UBR3: variants seen among roughly 807,000 people sequenced by gnomAD.
UBR3 encodes ubiquitin protein ligase E3 component n-recognin 3, also known as E3 ubiquitin-protein ligase UBR3.
A neutral mutation model predicts 243.2 loss-of-function variants in UBR3; 85 were observed. The ratio of observed to expected loss-of-function variants is 0.35; its 90% CI spans 0.29 to 0.42. The LOEUF (loss-of-function observed/expected upper bound fraction) is 0.42. Ranked by LOEUF, UBR3 falls within the 10% of genes least tolerant of loss-of-function variation. The pLI is 1.00. For synonymous variants in UBR3, 748 were observed against 799.8 expected (o/e 0.94, Z 1.09); for missense variants, 1,686 against 2,300.8 (o/e 0.73, Z 5.47).
chr2:169,831,306 A>ATTTT (rs917331065), intron 1 of UBR3, among the ~76,000 whole-genome samples: 3 of 139,448 alleles, frequency 2.2e-5, no homozygotes, highest in Non-Finnish European at 4.7e-5. Flanking sequence ...CACCCGGCTA[A>ATTTT]TTTTTTTTTT....
rs143991378 is a variant in UBR3, at chr2:169,913,478, T to A, written c.1780-582T>A. On this transcript the variant is annotated intron_variant, in intron 10 of 38. Coordinates refer to ENST00000272793, the MANE Select transcript of UBR3 (RefSeq NM_172070.4). ...AAAACATTGTAGTTGTCTTTTACAG[T>A]ACTTTTATTTCAAGTGGTACACACA... Among the ~76,000 whole-genome samples, 11 of 152,268 alleles carry A rather than the reference T, an allele frequency of 7.2e-5. No homozygotes were observed. In the East Asian group the frequency reaches 2.1e-3, roughly 29 times the overall value.
intron 35 of UBR3, among the ~76,000 whole-genome samples, chr2:170,069,484 A>G (rs988107045): frequency 1.3e-5 from 2 of 152,120 alleles, no homozygotes; most frequent in African/African-American, 4.8e-5. Context: ...GCAAATTTCA[A>G]GTATACAATA....
intron 29 of UBR3, among the ~76,000 whole-genome samples, chr2:170,010,907 T>C (rs949473591): frequency 1.4e-4 from 7 of 49,970 alleles, no homozygotes; most frequent in African/African-American, 4.0e-4. Flanking sequence ...GCTCACACCA[T>C]AATCTCAGAA....
intron 5 of UBR3, among the ~76,000 whole-genome samples, chr2:169,882,448 T>G (rs561958130): frequency 6.8e-6 from 1 of 148,148 alleles, no homozygotes; most frequent in South Asian, 2.1e-4. Flanking sequence ...AAGTCTTGAG[T>G]TAGAAAAGTC....
At chr2:170,019,503 G>A (rs2090332285) in intron 30 of UBR3, among the ~76,000 whole-genome samples, 1 of 151,972 alleles carries the variant, frequency 6.6e-6, no homozygotes, top group African/African-American at 2.4e-5. Context: ...GGGCAACATA[G>A]GGAGAACCTC....
intron 23 of UBR3, among the ~76,000 whole-genome samples, chr2:169,956,342 T>C (rs1341314657): frequency 1.3e-5 from 2 of 151,378 alleles, no homozygotes; most frequent in Admixed American, 1.3e-4. Flanking sequence ...AACTCCCTTA[T>C]ATATAACCAC....
intron 27 of UBR3, among the ~76,000 whole-genome samples, chr2:170,003,763 C>T (rs527743283): frequency 7.2e-4 from 110 of 152,288 alleles, no homozygotes; most frequent in African/African-American, 2.5e-3. Flanking sequence ...GCCTCAGCCT[C>T]CCGAGTGGCT....
chr2:169,982,096 T>C (rs2088764099), intron 24 of UBR3, among the ~76,000 whole-genome samples: 1 of 152,268 alleles, frequency 6.6e-6, no homozygotes, highest in Middle Eastern at 3.4e-3. Flanking sequence ...AAAAATTAAA[T>C]TGTGTTAAAA....
intron 27 of UBR3, among the ~76,000 whole-genome samples, chr2:170,003,604 T>G (rs1048880818): frequency 2.0e-5 from 3 of 152,244 alleles, no homozygotes; most frequent in South Asian, 4.1e-4. Flanking sequence ...AAGCAAACAG[T>G]TACAGTACGC....
At chr2:169,872,435 A>C in intron 2 of UBR3, 60 bp downstream of exon 2, 1 of 1,249,044 alleles carries the variant, frequency 8.0e-7, no homozygotes, top group Non-Finnish European at 1.1e-6. Context: ...ACAAAGTTTT[A>C]GTATTAATTA....
At chr2:169,860,783 G>C (rs1191503883) in intron 1 of UBR3, among the ~76,000 whole-genome samples, 5 of 152,100 alleles carry the variant, frequency 3.3e-5, no homozygotes, top group Admixed American at 3.3e-4. Context: ...TTATTAAGGA[G>C]AATTGACTCA....
At chr2:169,876,145 G>A (rs553749802) in intron 3 of UBR3, among the ~76,000 whole-genome samples, 196 bp downstream of exon 3, 121 of 149,888 alleles carry the variant, frequency 8.1e-4, no homozygotes, top group African/African-American at 2.9e-3. Context: ...GTGCAGTGGC[G>A]CAATCTCGGC....
At chr2:169,948,256 T>C (rs1035317354) in intron 22 of UBR3, among the ~76,000 whole-genome samples, 1 of 152,026 alleles carries the variant, frequency 6.6e-6, no homozygotes, top group African/African-American at 2.4e-5. Flanking sequence ...ACTGTATTAC[T>C]AACATCTTAA....
chr2:170,040,349 G>A (rs908111852), intron 31 of UBR3, among the ~76,000 whole-genome samples: 3 of 151,506 alleles, frequency 2.0e-5, no homozygotes, highest in Non-Finnish European at 4.4e-5. Flanking sequence ...CAAGTGATCC[G>A]CCTGCCTCAG....
intron 1 of UBR3, 69 bp from the exon 2 acceptor site, chr2:169,872,167 G>A (rs907578335): frequency 1.8e-6 from 2 of 1,130,784 alleles, no homozygotes; most frequent in South Asian, 2.1e-5. Context: ...TACGAATATT[G>A]TAAATAGAAA....
chr2:170,000,253 T>A (rs1268718614), intron 26 of UBR3, among the ~76,000 whole-genome samples: 2 of 152,210 alleles, frequency 1.3e-5, no homozygotes, highest in Non-Finnish European at 2.9e-5. Flanking sequence ...TATTAAGGCA[T>A]GTTTTTGGGT....
intron 1 of UBR3, among the ~76,000 whole-genome samples, chr2:169,841,825 T>C (rs2082302210): frequency 6.6e-6 from 1 of 152,240 alleles, no homozygotes; most frequent in African/African-American, 2.4e-5. Flanking sequence ...ACCCACTCCA[T>C]GGGCTCCTGT....
At chr2:169,857,064 G>GTTTTGTTTTTTTTTTTTTTT (rs1255937396) in intron 1 of UBR3, among the ~76,000 whole-genome samples, 2 of 56,082 alleles carry the variant, frequency 3.6e-5, no homozygotes, top group Non-Finnish European at 6.4e-5. Context: ...ATTTTATTAT[G>GTTTTGTTTTTTTTTTTTTTT]TTTTTTTTTT....
In UBR3 at chr2:169,857,691, C is replaced by G. The variant is rs905275846; in HGVS notation, c.546-14545C>G. ...ATCCACCTGCCTTGGCCTCCCAAAG[C>G]GCTGGGATTACAGGTGTGAGCCACT... On this transcript the variant is annotated intron_variant, in intron 1 of 38. Transcript: ENST00000272793. 2.6e-5 allele frequency among the ~76,000 whole-genome samples: 4 copies of G among 151,860 alleles called. No individual in the cohort carries two copies. The South Asian group carries it at 8.3e-4, about 32-fold the overall frequency.
Sources: gnomAD v4.1 joint callset for allele counts (sites outside exome capture counted in the v4.1 genomes callset) on GRCh38, gnomAD v4.1.1 for gene constraint, MANE v1.5 for transcripts, NCBI Gene and HGNC (gene_info 2026-07-23, HGNC 2026-07-21) for gene names.